The following KIF26B variants were observed in gnomAD, a reference collection of about 807,000 sequenced individuals.
The protein encoded by KIF26B is kinesin family member 26B, also known as kinesin-like protein KIF26B.
Under a neutral mutation model 151.2 loss-of-function variants are expected in KIF26B, and 63 were observed. The observed-to-expected ratio is 0.42, with a 90% confidence interval of 0.34 to 0.51. The LOEUF (loss-of-function observed/expected upper bound fraction) is 0.51. Among genes scored for constraint, KIF26B ranks in the 20% least tolerant of loss-of-function variants. The pLI is 0.07. For missense variants in KIF26B, 2,813 were observed against 2,913.6 expected, an observed-to-expected ratio of 0.97 and a Z score of 0.79; for synonymous variants, 1,357 against 1,262.1, an observed-to-expected ratio of 1.08 and a Z score of -1.59.
At chr1:245,427,672 T>C (rs1295005452) in intron 4 of KIF26B, among the ~76,000 whole-genome samples, 1 of 152,092 alleles carries the variant, frequency 6.6e-6, no homozygotes, top group African/African-American at 2.4e-5. Flanking sequence ...CTTCACTGTA[T>C]TATTTTTTTT....
chr1:245,430,655 G>A (rs1336795309), intron 4 of KIF26B, among the ~76,000 whole-genome samples: 1 of 149,200 alleles, frequency 6.7e-6, no homozygotes. Context: ...CGACAAGAGT[G>A]AGACCCTTCT....
chr1:245,347,295 C>T (rs1325154755), intron 2 of KIF26B, among the ~76,000 whole-genome samples: 1 of 151,892 alleles, frequency 6.6e-6, no homozygotes, highest in Non-Finnish European at 1.5e-5. Flanking sequence ...ACTACTGTCC[C>T]CTTTCTTTTC....
chr1:245,378,018 C>T (rs1256411857), intron 3 of KIF26B, among the ~76,000 whole-genome samples: 1 of 152,054 alleles, frequency 6.6e-6, no homozygotes, highest in Non-Finnish European at 1.5e-5. Context: ...TACAGAATAC[C>T]TTGTAAGTCA....
At chr1:245,453,569 G>A (rs1659443836) in intron 4 of KIF26B, among the ~76,000 whole-genome samples, 1 of 152,110 alleles carries the variant, frequency 6.6e-6, no homozygotes. Context: ...AGCTCATGTG[G>A]TTTTGCATTT....
chr1:245,403,153 T>G (rs1463523146), intron 3 of KIF26B, among the ~76,000 whole-genome samples: 1 of 151,892 alleles, frequency 6.6e-6, no homozygotes, highest in Admixed American at 6.6e-5. Flanking sequence ...AAAAATTTTT[T>G]GTAGAGATGG....
intron 9 of KIF26B, among the ~76,000 whole-genome samples, chr1:245,616,641 G>A (rs1445819094): frequency 2.0e-5 from 3 of 152,156 alleles, no homozygotes; most frequent in African/African-American, 7.2e-5. Flanking sequence ...ATGAAACAAA[G>A]TTTTTACTGC....
At chr1:245,411,585 G>A (rs901916499) in intron 3 of KIF26B, among the ~76,000 whole-genome samples, 2 of 152,152 alleles carry the variant, frequency 1.3e-5, no homozygotes, top group Non-Finnish European at 2.9e-5. Context: ...ATGCATCTGT[G>A]GGTGTCAGAG....
chr1:245,295,779 C>A (rs1376249821), intron 2 of KIF26B, among the ~76,000 whole-genome samples: 1 of 152,188 alleles, frequency 6.6e-6, no homozygotes. Context: ...AGAAAAAATT[C>A]TTCCAACTAG....
intron 4 of KIF26B, among the ~76,000 whole-genome samples, chr1:245,521,802 GAC>G (rs1366964863): frequency 6.6e-6 from 1 of 152,192 alleles, no homozygotes; most frequent in African/African-American, 2.4e-5. Context: ...TTGTGAGGAA[GAC>G]ACAAATAATT....
chr1:245,692,010 G>A (rs1335276817), intron 12 of KIF26B, among the ~76,000 whole-genome samples: 1 of 152,200 alleles, frequency 6.6e-6, no homozygotes, highest in South Asian at 2.1e-4. Flanking sequence ...TTTCTCATAT[G>A]CAAGTAAAAC....
In KIF26B at chr1:245,685,827, A is replaced by G; in HGVS notation, c.2844A>G (p.Glu948=). ...GSEEPSSFPF[E]ELPAQFGPEQ... ...AGGAGCCCAGCAGCTTTCCTTTCGA[A>G]GAACTGCCTGCTCAGTTTGGGCCAG... Residue 948 remains glutamate (E), a synonymous_variant, in exon 12 of 15, where the codon GAA becomes GAG. Transcript: ENST00000407071. 6.2e-7 allele frequency: 1 copy of G among 1,611,194 alleles called. No homozygotes were observed. The highest frequency in any genetic ancestry group is 1.3e-5 in the African/African-American group (1 of 74,996).
At chr1:245,158,670 G>A (rs1427502702) in intron 2 of KIF26B, among the ~76,000 whole-genome samples, 2 of 152,158 alleles carry the variant, frequency 1.3e-5, no homozygotes, top group Admixed American at 6.5e-5. Flanking sequence ...TACCACAGTC[G>A]CCTGAGTTTT....
At chr1:245,478,114 C>T (rs1168879043) in intron 4 of KIF26B, among the ~76,000 whole-genome samples, 1 of 151,812 alleles carries the variant, frequency 6.6e-6, no homozygotes, top group African/African-American at 2.4e-5. Context: ...TGCTTTCTTT[C>T]ACGTCACATA....
At chr1:245,454,433 C>G (rs773516359) in intron 4 of KIF26B, among the ~76,000 whole-genome samples, 7 of 152,198 alleles carry the variant, frequency 4.6e-5, no homozygotes, top group Non-Finnish European at 1.0e-4. Flanking sequence ...CACGGCTTCT[C>G]TGCACATCTT....
chr1:245,183,024 C>T (rs1433643748), intron 2 of KIF26B, among the ~76,000 whole-genome samples: 1 of 152,208 alleles, frequency 6.6e-6, no homozygotes, highest in Non-Finnish European at 1.5e-5. Context: ...ATGCTAGTAT[C>T]ACCCTGTAGC....
chr1:245,596,095 T>A (rs1433797228), intron 5 of KIF26B, among the ~76,000 whole-genome samples: 1 of 152,112 alleles, frequency 6.6e-6, no homozygotes, highest in African/African-American at 2.4e-5. Context: ...TTTGATAATC[T>A]TTTCAAAAAA....
intron 2 of KIF26B, among the ~76,000 whole-genome samples, chr1:245,231,296 C>T (rs763244351): frequency 3.9e-5 from 6 of 152,112 alleles, no homozygotes; most frequent in Non-Finnish European, 5.9e-5. Context: ...GGGCAGATCA[C>T]CTGAGGTCAG....
intron 2 of KIF26B, among the ~76,000 whole-genome samples, chr1:245,194,976 A>G (rs1669167505): frequency 6.6e-6 from 1 of 152,200 alleles, no homozygotes; most frequent in Non-Finnish European, 1.5e-5. Flanking sequence ...CAAGGCATTT[A>G]GCTTATGGGG....
chr1:245,657,347 G>A (rs2044086110), intron 10 of KIF26B, among the ~76,000 whole-genome samples: 2 of 152,148 alleles, frequency 1.3e-5, no homozygotes, highest in Non-Finnish European at 2.9e-5. Flanking sequence ...AGAACTAATT[G>A]CAGTAGCTGC....
Sources: gnomAD v4.1 joint callset for allele counts (sites outside exome capture counted in the v4.1 genomes callset) on GRCh38, gnomAD v4.1.1 for gene constraint, MANE v1.5 for transcripts, NCBI Gene and HGNC (gene_info 2026-07-23, HGNC 2026-07-21) for gene names.